Variants in RUNX1 observed in about 807,000 individuals in gnomAD.
RUNX1 encodes the protein runt-related transcription factor 1.
In RUNX1, 19 loss-of-function variants were observed where a neutral mutation model predicts 42.8. That is an observed-to-expected ratio of 0.44 (90% CI 0.31 to 0.65). The LOEUF (loss-of-function observed/expected upper bound fraction) is 0.65, where lower values mean the gene tolerates loss of function less well. Ranked by LOEUF, RUNX1 falls within the 30% of genes least tolerant of loss-of-function variation. RUNX1 has a pLI of 0.07. For synonymous variants in RUNX1, 271 were observed against 289.4 expected, an observed-to-expected ratio of 0.94 and a Z score of 0.64; for missense variants, 528 against 672.0, an observed-to-expected ratio of 0.79 and a Z score of 2.37.
chr21:34,827,129 TG>T (rs1290105190), intron 7 of RUNX1, among the ~76,000 whole-genome samples: 1 of 152,168 alleles, frequency 6.6e-6, no homozygotes, highest in East Asian at 1.9e-4. Context: ...AACAAGGTAT[TG>T]GAAACTGGAG....
At chr21:34,998,631 T>G (rs1400683292) in intron 2 of RUNX1, among the ~76,000 whole-genome samples, 1 of 152,068 alleles carries the variant, frequency 6.6e-6, no homozygotes, top group East Asian at 1.9e-4. Context: ...AAGCTCCGCC[T>G]CCCAGGTTCA....
At chr21:35,042,570 G>A (rs570702045) in intron 2 of RUNX1, among the ~76,000 whole-genome samples, 17 of 152,332 alleles carry the variant, frequency 1.1e-4, no homozygotes, top group Middle Eastern at 3.4e-3. Flanking sequence ...ATATGTCAGC[G>A]AAAGTTTGCA....
At chr21:34,955,711 C>A (rs373192055) in intron 2 of RUNX1, among the ~76,000 whole-genome samples, 1 of 152,138 alleles carries the variant, frequency 6.6e-6, no homozygotes, top group African/African-American at 2.4e-5. Context: ...GATGGAAATG[C>A]GTTAATGAGC....
chr21:34,970,548 C>A (rs1481118301), intron 2 of RUNX1, among the ~76,000 whole-genome samples: 1 of 152,162 alleles, frequency 6.6e-6, no homozygotes, highest in Non-Finnish European at 1.5e-5. Context: ...CAGAAAAATC[C>A]TTCAGTGTTT....
At chr21:34,896,586 G>A (rs1238802816) in intron 2 of RUNX1, among the ~76,000 whole-genome samples, 1 of 152,184 alleles carries the variant, frequency 6.6e-6, no homozygotes, top group Non-Finnish European at 1.5e-5. Context: ...AGGAGGCTGA[G>A]GCAGGAGAAT....
chr21:34,886,388 C>G (rs79560426), intron 4 of RUNX1, among the ~76,000 whole-genome samples: 2,436 of 152,296 alleles, frequency 0.016, 68 homozygotes, highest in African/African-American at 0.056. Context: ...AGTTTCTTTT[C>G]ACTGACTTGA....
At chr21:35,039,203 T>C (rs1194337171) in intron 2 of RUNX1, among the ~76,000 whole-genome samples, 2 of 152,152 alleles carry the variant, frequency 1.3e-5, no homozygotes, top group Non-Finnish European at 2.9e-5. Flanking sequence ...TTAGGAGAAG[T>C]GTCTGCTAGT....
chr21:34,848,038 G>A (rs573285728), intron 6 of RUNX1, among the ~76,000 whole-genome samples: 16 of 152,188 alleles, frequency 1.1e-4, no homozygotes, highest in East Asian at 1.9e-4. Context: ...GGGCCTACCC[G>A]TCTAGAGCAT....
At chr21:34,834,662 AG>A in intron 6 of RUNX1, 61 bp from the exon 7 acceptor site, 1 of 1,425,482 alleles carries the variant, frequency 7.0e-7, no homozygotes, top group Non-Finnish European at 9.8e-7. Flanking sequence ...GGAAGAGATC[AG>A]AAAAAGTATT....
chr21:35,032,660 T>A (rs1469344370), intron 2 of RUNX1, among the ~76,000 whole-genome samples: 4 of 152,224 alleles, frequency 2.6e-5, no homozygotes, highest in African/African-American at 9.7e-5. Flanking sequence ...TGCACACTTG[T>A]CCAGCTTCCC....
rs1425437469 is a variant in RUNX1 at position 34,834,558 on chromosome 21, C to G, written c.657G>C (p.Leu219Phe). The change falls in exon 7 of 9, where the codon TTG becomes TTC. Residue 219 changes from leucine to phenylalanine, a missense_variant. This residue lies in a region of RUNX1 where 331 missense variants were observed against 382.5 expected (regional missense o/e 0.87). Transcript: ENST00000675419. The part of the protein sequence containing the change: ...KLDDQTKPGS[L>F]SFSERLSELE... The stretch of plus-strand genomic sequence containing the variant: ...GTTCACTGAGCCGCTCGGAAAAGGA[C>G]AAGCTCCCGGGCTTGGTCTGATCAT... 3.1e-6 allele frequency: 5 copies of G among 1,597,286 alleles called. No individual in the cohort carries two copies. The highest frequency in any genetic ancestry group is 2.7e-5 in the African/African-American group (2 of 74,096).
chr21:34,909,627 A>C (rs1217357982), intron 2 of RUNX1, among the ~76,000 whole-genome samples: 1 of 141,290 alleles, frequency 7.1e-6, no homozygotes. Context: ...TCTATTTGAT[A>C]ACCTGCACTT....
chr21:35,027,213 A>C (rs2059243944), intron 2 of RUNX1, among the ~76,000 whole-genome samples: 1 of 152,216 alleles, frequency 6.6e-6, no homozygotes, highest in Admixed American at 6.5e-5. Flanking sequence ...CCATCTCTGC[A>C]AGCGTCCAGA....
intron 5 of RUNX1, among the ~76,000 whole-genome samples, chr21:34,874,110 A>G (rs2057778371): frequency 6.7e-6 from 1 of 150,142 alleles, no homozygotes; most frequent in African/African-American, 2.5e-5. Context: ...CAATGGAAGT[A>G]TGGATATTCT....
intron 6 of RUNX1, among the ~76,000 whole-genome samples, chr21:34,855,611 G>A (rs951594232): frequency 6.6e-6 from 1 of 152,084 alleles, no homozygotes; most frequent in African/African-American, 2.4e-5. Context: ...AGGCTGAGGC[G>A]GGAGAATCGC....
intron 2 of RUNX1, among the ~76,000 whole-genome samples, chr21:34,981,815 G>A (rs1305275639): frequency 6.6e-6 from 1 of 151,992 alleles, no homozygotes; most frequent in Admixed American, 6.6e-5. Context: ...TTTCACAATG[G>A]CTGTATCTGT....
Position 34,869,985 on chromosome 21 carries a change from ACTT to A in RUNX1, c.509-10410_509-10408del, listed in dbSNP as rs563894194. On this transcript the variant is annotated intron_variant, in intron 5 of 8. Transcript: ENST00000675419. Reference sequence around the variant, plus strand: ...GAGTTGGAAAGGCTGAGTTGGGAGAACTTCTTTTCCCATGAAAAGCAGTGCTTC... The same window carrying A: ...GAGTTGGAAAGGCTGAGTTGGGAGAACTTTTCCCATGAAAAGCAGTGCTTC... 1.9e-4 allele frequency among the ~76,000 whole-genome samples: 29 copies of A among 152,324 alleles called. No homozygotes were observed. In the South Asian group the frequency reaches 6.0e-3, roughly 32 times the overall value.
intron 2 of RUNX1, among the ~76,000 whole-genome samples, chr21:34,957,253 T>A (rs1229154962): frequency 6.6e-6 from 1 of 152,168 alleles, no homozygotes; most frequent in East Asian, 1.9e-4. Flanking sequence ...CTAAATGTGA[T>A]AATTATCAAT....
intron 6 of RUNX1, among the ~76,000 whole-genome samples, chr21:34,852,104 G>C (rs2057428588): frequency 6.6e-6 from 1 of 152,186 alleles, no homozygotes; most frequent in Non-Finnish European, 1.5e-5. Flanking sequence ...GGAGGTGGAG[G>C]TTGCAGTGAG....
Sources: allele counts gnomAD v4.1 joint callset (sites outside exome capture counted in the v4.1 genomes callset), GRCh38; gene constraint gnomAD v4.1.1; regional missense constraint gnomAD v4.1.1; transcripts MANE v1.5; gene names NCBI Gene and HGNC (gene_info 2026-07-23, HGNC 2026-07-21).